Variants in MEF2A observed in about 807,000 individuals in gnomAD.
MEF2A encodes the protein myocyte enhancer factor 2A, also known as myocyte-specific enhancer factor 2A.
A neutral mutation model predicts 55.8 loss-of-function variants in MEF2A; 28 were observed. That is an observed-to-expected ratio of 0.50 (90% confidence interval 0.37 to 0.69). MEF2A has a LOEUF of 0.69. MEF2A is among the 30% of genes least tolerant of loss of function. The probability of loss-of-function intolerance (pLI) is 0.00; values close to 1 mark genes in which losing one functional copy is unlikely to be tolerated. For synonymous variants in MEF2A, 239 were observed against 227.1 expected (o/e 1.05, Z -0.47); for missense variants, 528 against 626.2 (o/e 0.84, Z 1.67).
At chr15:99,708,365 G>A (rs886537778) in intron 10 of MEF2A, among the ~76,000 whole-genome samples, 2 of 152,142 alleles carry the variant, frequency 1.3e-5, no homozygotes, top group Admixed American at 1.3e-4. Flanking sequence ...TTTACTGACC[G>A]TTTCATTACA....
chr15:99,591,754 C>T (rs1471918007), intron 1 of MEF2A, among the ~76,000 whole-genome samples: 3 of 151,986 alleles, frequency 2.0e-5, no homozygotes, highest in African/African-American at 7.2e-5. Context: ...TTCTTTTCTG[C>T]AGTTTGATCT....
At chr15:99,583,397 G>C (rs745883478) in intron 1 of MEF2A, among the ~76,000 whole-genome samples, 2 of 151,998 alleles carry the variant, frequency 1.3e-5, no homozygotes, top group Admixed American at 6.6e-5. Context: ...GATAGACTTC[G>C]ACACTTTACT....
At chr15:99,678,234 G>T (rs985156495) in intron 7 of MEF2A, among the ~76,000 whole-genome samples, 2 of 151,990 alleles carry the variant, frequency 1.3e-5, no homozygotes, top group African/African-American at 4.8e-5. Flanking sequence ...TTATCTTTGA[G>T]ATATTATTTT....
At chr15:99,656,896 A>G (rs1012521893) in intron 4 of MEF2A, among the ~76,000 whole-genome samples, 1 of 152,092 alleles carries the variant, frequency 6.6e-6, no homozygotes, top group Non-Finnish European at 1.5e-5. Context: ...CATGAACGCT[A>G]TCTAATTCTA....
At chr15:99,571,386 T>TAA (rs1962224810) in intron 1 of MEF2A, among the ~76,000 whole-genome samples, 1 of 152,218 alleles carries the variant, frequency 6.6e-6, no homozygotes, top group Non-Finnish European at 1.5e-5. Flanking sequence ...GTGTGTATTA[T>TAA]AAAGTGCAGT....
intron 8 of MEF2A, among the ~76,000 whole-genome samples, chr15:99,701,200 G>T (rs182881380): frequency 1.3e-5 from 2 of 152,330 alleles, no homozygotes; most frequent in Non-Finnish European, 1.5e-5. Flanking sequence ...GAGGATCAAG[G>T]TTAACATCAC....
intron 2 of MEF2A, among the ~76,000 whole-genome samples, chr15:99,628,829 C>T (rs990341435): frequency 6.6e-6 from 1 of 152,160 alleles, no homozygotes; most frequent in Non-Finnish European, 1.5e-5. Context: ...TGCACTTCAT[C>T]TTTTGTGCAT....
At chr15:99,581,895 C>T (rs975301155) in intron 1 of MEF2A, among the ~76,000 whole-genome samples, 1 of 151,924 alleles carries the variant, frequency 6.6e-6, no homozygotes, top group Admixed American at 6.6e-5. Flanking sequence ...AAAAATACAC[C>T]ACATAGAACA....
chr15:99,571,441 C>G (rs1028531193), intron 1 of MEF2A, among the ~76,000 whole-genome samples: 2 of 152,160 alleles, frequency 1.3e-5, no homozygotes, highest in East Asian at 1.9e-4. Context: ...CCATTACTAT[C>G]GTTACTACTA....
intron 1 of MEF2A, among the ~76,000 whole-genome samples, chr15:99,594,378 T>C (rs1970392029): frequency 1.3e-5 from 2 of 151,840 alleles, no homozygotes; most frequent in South Asian, 4.2e-4. Flanking sequence ...AGAGCTTCCA[T>C]CCTCTATCTG....
chr15:99,623,307 G>A (rs942303212), intron 2 of MEF2A, among the ~76,000 whole-genome samples: 1 of 152,140 alleles, frequency 6.6e-6, no homozygotes, highest in Non-Finnish European at 1.5e-5. Flanking sequence ...TTCTCCCACA[G>A]GTGGACATTC....
At chr15:99,689,401 G>A (rs764327318) in intron 7 of MEF2A, among the ~76,000 whole-genome samples, 11 of 152,200 alleles carry the variant, frequency 7.2e-5, no homozygotes, top group Admixed American at 3.3e-4. Flanking sequence ...TGAATGAATA[G>A]GCTGGTCTCA....
intron 7 of MEF2A, among the ~76,000 whole-genome samples, chr15:99,685,358 C>A (rs936656713): frequency 1.3e-5 from 2 of 152,050 alleles, no homozygotes; most frequent in Admixed American, 1.3e-4. Context: ...TTTGTGTCAT[C>A]TGTGATTTCT....
At chr15:99,608,745 C>T (rs1338555725) in intron 2 of MEF2A, among the ~76,000 whole-genome samples, 1 of 151,964 alleles carries the variant, frequency 6.6e-6, no homozygotes, top group Non-Finnish European at 1.5e-5. Flanking sequence ...ACTAAAAATA[C>T]AAAAAGTTAG....
chr15:99,675,517 A>G (rs1391475563), intron 7 of MEF2A, 59 bp downstream of exon 7: 1 of 1,410,230 alleles, frequency 7.1e-7, no homozygotes, highest in Non-Finnish European at 9.9e-7. Context: ...GATCAAAGGA[A>G]TGTTGTTCCT....
chr15:99,674,281 C>A, intron 5 of MEF2A, 112 bp from the exon 6 acceptor site: 2 of 905,790 alleles, frequency 2.2e-6, no homozygotes, highest in Non-Finnish European at 3.4e-6. Flanking sequence ...AGAACCTATC[C>A]CTATCCTCTA....
At chr15:99,595,607 A>G (rs749886778) in intron 1 of MEF2A, among the ~76,000 whole-genome samples, 2 of 152,238 alleles carry the variant, frequency 1.3e-5, no homozygotes, top group Non-Finnish European at 2.9e-5. Context: ...TATTGGGGAT[A>G]TAAAAAGAAC....
In MEF2A at chr15:99,712,607, C is replaced by T. The variant is rs1477329333; in HGVS notation, c.1354C>T (p.Pro452Ser). The T allele has an allele frequency of 2.6e-6, 4 of 1,551,936 alleles. No homozygotes were observed. Among genetic ancestry groups the T allele is most frequent in the Middle Eastern group, 1.7e-4 (1 of 5,992 alleles). The change falls in exon 12 of 12, where the codon CCT (proline) becomes TCT (serine). Residue 452 changes from proline to serine, a missense_variant. This residue lies in a region of MEF2A where 450 missense variants were observed against 475.3 expected (regional missense o/e 0.95). Transcript: ENST00000557942. The surrounding 1 kb of genome is among the most constrained non-coding windows in gnomAD (Gnocchi z 4.1). ...GCCCCGACAGGAAATGGGGCGCTCC[C>T]CTGTGGACAGTCTGAGCAGCTCTAG... ...PQPRQEMGRS[P>S]VDSLSSSSSS...
At chr15:99,637,117 CT>C (rs756775857) in intron 3 of MEF2A, among the ~76,000 whole-genome samples, 362 of 142,032 alleles carry the variant, frequency 2.5e-3, no homozygotes, top group East Asian at 6.0e-3. Context: ...AGTTCTGCAC[CT>C]TTTTTTTTTT....
Sources: allele counts gnomAD v4.1 joint callset (sites outside exome capture counted in the v4.1 genomes callset), GRCh38; gene constraint gnomAD v4.1.1; regional missense constraint gnomAD v4.1.1; non-coding constraint Gnocchi (gnomAD v3.1); transcripts MANE v1.5; gene names NCBI Gene and HGNC (gene_info 2026-07-23, HGNC 2026-07-21).